EPC1: variants seen among roughly 807,000 people sequenced by gnomAD.
The protein encoded by EPC1 is enhancer of polycomb homolog 1.
Under a neutral mutation model 98.4 loss-of-function variants are expected in EPC1, and 12 were observed. The observed-to-expected ratio is 0.12, with a 90% CI of 0.08 to 0.20. EPC1 has a LOEUF of 0.20. EPC1 is among the 10% of genes least tolerant of loss of function. EPC1 has a pLI of 1.00. For missense variants in EPC1, 729 were observed against 990.5 expected (o/e 0.74, Z 3.54); for synonymous variants, 357 against 363.9 (o/e 0.98, Z 0.21).
At chr10:32,361,506 T>A (rs906509829) in intron 1 of EPC1, among the ~76,000 whole-genome samples, 7 of 152,230 alleles carry the variant, frequency 4.6e-5, no homozygotes, top group African/African-American at 1.7e-4. Flanking sequence ...ATAGAATAAG[T>A]TACGATTATA....
At chr10:32,336,759 A>T (rs1325289181) in intron 1 of EPC1, among the ~76,000 whole-genome samples, 1 of 152,232 alleles carries the variant, frequency 6.6e-6, no homozygotes, top group African/African-American at 2.4e-5. Flanking sequence ...AGGAAAAAAA[A>T]AAGTTCCTGT....
intron 2 of EPC1, among the ~76,000 whole-genome samples, chr10:32,303,632 AG>A (rs769661214): frequency 5.9e-5 from 9 of 152,216 alleles, no homozygotes; most frequent in Non-Finnish European, 1.3e-4. Context: ...AGTGATGGTC[AG>A]GGGATGGGGA....
chr10:32,298,136 C>G (rs1835284286), intron 2 of EPC1, among the ~76,000 whole-genome samples: 1 of 152,068 alleles, frequency 6.6e-6, no homozygotes, highest in Non-Finnish European at 1.5e-5. Context: ...CTGGTACAAA[C>G]CGTGGTATTT....
At chr10:32,290,483 C>CAAAAAAAAAAAAAAAAAAAAAAA (rs57193296) in intron 6 of EPC1, among the ~76,000 whole-genome samples, 2 of 40,160 alleles carry the variant, frequency 5.0e-5, no homozygotes, top group African/African-American at 2.7e-4. Context: ...AAGACTCTGT[C>CAAAAAAAAAAAAAAAAAAAAAAA]AAAAAAAAAA....
At chr10:32,377,098 T>C (rs979808963) in intron 1 of EPC1, 1 of 152,212 alleles carries the variant, frequency 6.6e-6, no homozygotes, top group Non-Finnish European at 1.5e-5. Context: ...TGCATTTAGA[T>C]ATGTGAACAT....
At chr10:32,324,674 AAAAC>A (rs151134554) in intron 1 of EPC1, among the ~76,000 whole-genome samples, 76 of 151,990 alleles carry the variant, frequency 5.0e-4, no homozygotes, top group East Asian at 2.5e-3. Flanking sequence ...CTAATCTTAA[AAAAC>A]AAACAAACAA....
At chr10:32,270,550 C>T (rs1312220140) in intron 13 of EPC1, among the ~76,000 whole-genome samples, 1 of 152,072 alleles carries the variant, frequency 6.6e-6, no homozygotes, top group Non-Finnish European at 1.5e-5. Context: ...TAACGCCGGG[C>T]GTGGTGGCTC....
rs138870802 is a variant in EPC1, at chr10:32,359,252, T to C, written c.3+19239A>G. 1.4e-4 allele frequency among the ~76,000 whole-genome samples: 22 copies of C among 152,322 alleles called. No individual in the cohort carries two copies. In the East Asian group the frequency reaches 4.2e-3, roughly 29 times the overall value. On this transcript the variant is annotated intron_variant, in intron 1 of 13. Coordinates refer to the EPC1 transcript ENST00000375110. Reference sequence around the variant, plus strand: ...ATTTAAAATATTATCCTTATCACTGTCTTAAAATGTTTCATCCTGCTAAAA... The same window carrying C: ...ATTTAAAATATTATCCTTATCACTGCCTTAAAATGTTTCATCCTGCTAAAA...
intron 1 of EPC1, among the ~76,000 whole-genome samples, chr10:32,343,769 T>G (rs951614132): frequency 6.6e-6 from 1 of 151,938 alleles, no homozygotes. Flanking sequence ...TGTGTGCAGC[T>G]CATAGTATTA....
At chr10:32,345,227 A>G in intron 1 of EPC1, 22 of 985,426 alleles carry the variant, frequency 2.2e-5, no homozygotes, top group Non-Finnish European at 2.4e-5. Flanking sequence ...GTGTCTCATG[A>G]GACAATGTGC....
chr10:32,366,072 G>A (rs1384732229), intron 1 of EPC1, among the ~76,000 whole-genome samples: 1 of 152,122 alleles, frequency 6.6e-6, no homozygotes. Flanking sequence ...AGAGGAGGTT[G>A]CAGTGAGCCG....
At position 32,305,714 on chromosome 10, in the gene EPC1, C is replaced by G. The variant is rs1835839623; in HGVS notation, c.313+58G>C. ...CGCTCCTGAAGAGATAAAAATCTGT[C>G]AAGTTACATAATAAGAGAAATATAG... On this transcript the variant is annotated intron_variant, in intron 2 of 13. Coordinates refer to ENST00000319778, the MANE Select transcript of EPC1 (RefSeq NM_001272004.3). 5.7e-6 allele frequency: 8 copies of G among 1,405,938 alleles called. 1 individual carries two copies. The East Asian group carries it at 2.0e-4, about 36-fold the overall frequency. The allele number at this position is 1,405,938 out of a possible 1,614,324, so 87.1% of individuals were successfully genotyped here. A position where few individuals can be genotyped will look rare whatever the true frequency, so the allele number is the denominator to read the frequency against.
intron 1 of EPC1, among the ~76,000 whole-genome samples, chr10:32,314,242 G>C (rs1253017262): frequency 1.3e-5 from 2 of 152,102 alleles, no homozygotes; most frequent in African/African-American, 4.8e-5. Flanking sequence ...AAGCCTCTTG[G>C]GCTGAAAGTA....
upstream of EPC1, among the ~76,000 whole-genome samples, chr10:32,347,641 A>G (rs964962996): frequency 3.9e-5 from 6 of 151,978 alleles, no homozygotes; most frequent in South Asian, 6.2e-4. Context: ...GGGGCTTCGG[A>G]GGGGCGCTCC....
chr10:32,355,613 T>G (rs1457341474), intron 1 of EPC1, among the ~76,000 whole-genome samples: 152 of 1,912 alleles, frequency 0.079, 1 homozygote, highest in South Asian at 0.47. Flanking sequence ...TACCCTTTTT[T>G]TTTTTTTTTT....
At chr10:32,344,189 C>G (rs1056737008) in intron 1 of EPC1, among the ~76,000 whole-genome samples, 2 of 152,046 alleles carry the variant, frequency 1.3e-5, no homozygotes, top group African/African-American at 4.8e-5. Flanking sequence ...TTTAATATAC[C>G]TTTTCAACAC....
chr10:32,338,897 C>T lies in EPC1; in HGVS notation c.153+7866G>A, dbSNP rs189486212. On this transcript the variant is annotated intron_variant, in intron 1 of 13. Coordinates refer to ENST00000319778, the MANE Select transcript of EPC1 (RefSeq NM_001272004.3). ...AGGCTGCAATGAGCCGAGATCACAC[C>T]ACTACACTCCAGCCTGGGCAACAGA... 2.1e-3 allele frequency among the ~76,000 whole-genome samples: 313 copies of T among 151,310 alleles called. 3 individuals are homozygous for T. The highest frequency in any genetic ancestry group is 5.5e-3 in the Admixed American group (84 of 15,214).
chr10:32,375,179 A>G (rs1839846519), intron 1 of EPC1, among the ~76,000 whole-genome samples: 1 of 152,112 alleles, frequency 6.6e-6, no homozygotes, highest in Admixed American at 6.5e-5. Context: ...AGAAGTGGGT[A>G]GAATTGGAAA....
Position 32,286,794 on chromosome 10 carries a change from C to T in EPC1, c.1291G>A (p.Gly431Arg). ...GNWPWTSPKD[G>R]GLGDVRYRYC... ...CTATATCGCACATCCCCTAATCCTCCATCTTTAGGACTAGTCCAAGGCCAG... is the reference window on the plus strand; with the variant it reads ...CTATATCGCACATCCCCTAATCCTCTATCTTTAGGACTAGTCCAAGGCCAG... The change falls in exon 9 of 14, where the codon GGA (glycine) becomes AGA (arginine). Residue 431 changes from glycine (G) to arginine (R), a missense_variant. By Grantham distance (125) the Gly-to-Arg change is moderately radical. Around this residue, in one of 6 missense-constraint regions of EPC1, gnomAD observed 390 missense variants for 438.6 expected, o/e 0.89. Coordinates refer to ENST00000319778, the MANE Select transcript of EPC1 (RefSeq NM_001272004.3). 2 of 1,614,052 alleles carry T rather than the reference C, an allele frequency of 1.2e-6. No individual in the cohort carries two copies. Among genetic ancestry groups the T allele is most frequent in the Non-Finnish European group, 1.7e-6 (2 of 1,180,008 alleles).
Sources: allele counts gnomAD v4.1 joint callset (sites outside exome capture counted in the v4.1 genomes callset), GRCh38; gene constraint gnomAD v4.1.1; regional missense constraint gnomAD v4.1.1; transcripts MANE v1.5; gene names NCBI Gene and HGNC (gene_info 2026-07-23, HGNC 2026-07-21).